STXBP3: variants seen among roughly 807,000 people sequenced by gnomAD.
STXBP3 encodes the protein syntaxin binding protein 3.
A neutral mutation model predicts 85.7 loss-of-function variants in STXBP3; 41 were observed. The observed-to-expected ratio is 0.48, with a 90% CI of 0.37 to 0.62. STXBP3 has a LOEUF of 0.62. Ranked by LOEUF, STXBP3 falls within the 20% of genes least tolerant of loss-of-function variation. The pLI is 0.00. For missense variants in STXBP3, 563 were observed against 703.1 expected (o/e 0.80, Z 2.25); for synonymous variants, 229 against 231.7 (o/e 0.99, Z 0.10).
intron 8 of STXBP3, 145 bp from the exon 9 acceptor site, chr1:108,779,141 A>G: frequency 1.3e-6 from 1 of 796,146 alleles, no homozygotes; most frequent in East Asian, 2.7e-5. Flanking sequence ...AAGACAATTA[A>G]CCATTTGTTT....
intron 7 of STXBP3, among the ~76,000 whole-genome samples, chr1:108,775,653 T>C (rs1034195305): frequency 6.6e-6 from 1 of 152,148 alleles, no homozygotes; most frequent in Non-Finnish European, 1.5e-5. Context: ...AGTGAGAACA[T>C]GCGAAATGTT....
At chr1:108,772,498 T>C (rs1257906523) in intron 6 of STXBP3, among the ~76,000 whole-genome samples, 167 bp from the exon 7 acceptor site, 1 of 140,852 alleles carries the variant, frequency 7.1e-6, no homozygotes, top group African/African-American at 2.8e-5. Context: ...ACATGATATC[T>C]ATCTATATAT....
chr1:108,769,147 A>T (rs944319067), intron 6 of STXBP3, among the ~76,000 whole-genome samples: 12 of 152,210 alleles, frequency 7.9e-5, no homozygotes, highest in Admixed American at 7.9e-4. Flanking sequence ...AGAAAAGAAA[A>T]TGTTATTAAG....
intron 1 of STXBP3, among the ~76,000 whole-genome samples, chr1:108,749,731 C>G (rs1661863310): frequency 6.6e-6 from 1 of 152,168 alleles, no homozygotes; most frequent in Non-Finnish European, 1.5e-5. Flanking sequence ...GACAATAACA[C>G]TGACTCTGTA....
At chr1:108,770,312 A>G (rs1017804252) in intron 6 of STXBP3, among the ~76,000 whole-genome samples, 1 of 152,008 alleles carries the variant, frequency 6.6e-6, no homozygotes, top group Admixed American at 6.6e-5. Flanking sequence ...AAAGACAAAA[A>G]CAAACCTACA....
At chr1:108,784,397 A>G (rs1662783606) in intron 11 of STXBP3, among the ~76,000 whole-genome samples, 1 of 152,208 alleles carries the variant, frequency 6.6e-6, no homozygotes, top group South Asian at 2.1e-4. Flanking sequence ...ATGAGTGCCA[A>G]GCAAAGGGGT....
intron 11 of STXBP3, among the ~76,000 whole-genome samples, chr1:108,789,551 C>T (rs572179983): frequency 6.6e-5 from 10 of 152,220 alleles, no homozygotes; most frequent in Admixed American, 6.5e-4. Flanking sequence ...TAGCTGCATC[C>T]CAGGAGTTTT....
chr1:108,795,988 C>T (rs1445307194), intron 13 of STXBP3, among the ~76,000 whole-genome samples: 4 of 152,114 alleles, frequency 2.6e-5, no homozygotes, highest in African/African-American at 9.7e-5. Flanking sequence ...GCCTCAGCCT[C>T]CCGAGTAGCT....
At chr1:108,791,004 A>G (rs1662962581) in intron 11 of STXBP3, among the ~76,000 whole-genome samples, 1 of 152,128 alleles carries the variant, frequency 6.6e-6, no homozygotes, top group Non-Finnish European at 1.5e-5. Flanking sequence ...ACATTCTGGT[A>G]CTGTTTATTT....
chr1:108,786,749 C>T (rs1373523700), intron 11 of STXBP3, among the ~76,000 whole-genome samples: 1 of 152,196 alleles, frequency 6.6e-6, no homozygotes, highest in Non-Finnish European at 1.5e-5. Flanking sequence ...AAGATTGTCT[C>T]AGCTGTTACA....
chr1:108,779,472 A>G, intron 9 of STXBP3, 62 bp downstream of exon 9: 1 of 1,490,394 alleles, frequency 6.7e-7, no homozygotes, highest in African/African-American at 1.4e-5. Flanking sequence ...ATGAGCATTT[A>G]ATGATTTATA....
At position 108,771,628 on chromosome 1, in the gene STXBP3, C is replaced by A. The variant is rs1424558323; in HGVS notation, c.439-1037C>A. ...ATATATATGATATATATCTATATAT[C>A]ATATATAAATATATATGATATATAT... On this transcript the variant is annotated intron_variant, in intron 6 of 18. Transcript: ENST00000370008. 4.1e-3 allele frequency among the ~76,000 whole-genome samples: 57 copies of A among 14,046 alleles called. 6 individuals carry two copies. Among genetic ancestry groups the A allele is most frequent in the African/African-American group, 0.011 (39 of 3,682 alleles). The allele number at this position is 14,046 out of a possible 152,430, so 9.2% of individuals were successfully genotyped here. A position where few individuals can be genotyped will look rare whatever the true frequency, so the allele number is the denominator to read the frequency against.
At chr1:108,747,148 C>T (rs1442566470) in intron 1 of STXBP3, among the ~76,000 whole-genome samples, 1 of 152,114 alleles carries the variant, frequency 6.6e-6, no homozygotes, top group Non-Finnish European at 1.5e-5. Flanking sequence ...GTCCGCGCTC[C>T]ACCAGTTGGG....
At chr1:108,751,186 G>T (rs1411166260) in intron 1 of STXBP3, among the ~76,000 whole-genome samples, 5 of 152,132 alleles carry the variant, frequency 3.3e-5, no homozygotes, top group African/African-American at 9.7e-5. Flanking sequence ...ACATGGCTTG[G>T]TCTGGTGACC....
chr1:108,772,240 C>CTA lies in STXBP3; in HGVS notation c.439-424_439-423insAT, dbSNP rs1419829690. 5.0e-4 allele frequency among the ~76,000 whole-genome samples: 34 copies of CTA among 67,458 alleles called. 1 individual carries two copies. Among genetic ancestry groups the CTA allele is most frequent in the Non-Finnish European group, 8.2e-4 (25 of 30,406 alleles). 44.3% of individuals were successfully genotyped at this position (67,458 alleles called of 152,430 possible). On this transcript the variant is annotated intron_variant, in intron 6 of 18. Coordinates refer to ENST00000370008, the MANE Select transcript of STXBP3 (RefSeq NM_007269.4). ...TCATATATAAATACATGATATCTAT[C>CTA]TGTATCATATATAAATACATATGAT...
At chr1:108,770,102 C>T (rs182790309) in intron 6 of STXBP3, among the ~76,000 whole-genome samples, 1 of 152,068 alleles carries the variant, frequency 6.6e-6, no homozygotes, top group Non-Finnish European at 1.5e-5. Flanking sequence ...CCAGCCTGGG[C>T]AACAAAGTGA....
chr1:108,807,944 C>T (rs1425348592), intron 18 of STXBP3, among the ~76,000 whole-genome samples: 2 of 152,156 alleles, frequency 1.3e-5, no homozygotes, highest in African/African-American at 4.8e-5. Context: ...TTGTGTTATA[C>T]ATTTGAGACA....
intron 12 of STXBP3, among the ~76,000 whole-genome samples, chr1:108,794,163 G>T (rs1663041092): frequency 6.6e-6 from 1 of 152,154 alleles, no homozygotes; most frequent in African/African-American, 2.4e-5. Flanking sequence ...TGAACTTGAA[G>T]AACTTCTGGG....
At chr1:108,770,914 C>T (rs1210594506) in intron 6 of STXBP3, among the ~76,000 whole-genome samples, 1 of 151,982 alleles carries the variant, frequency 6.6e-6, no homozygotes, top group East Asian at 1.9e-4. Flanking sequence ...AGCACAATGC[C>T]ATGTCTTTTG....
Sources: allele counts gnomAD v4.1 joint callset (sites outside exome capture counted in the v4.1 genomes callset), GRCh38; gene constraint gnomAD v4.1.1; transcripts MANE v1.5; gene names NCBI Gene and HGNC (gene_info 2026-07-23, HGNC 2026-07-21).